LAMA3: variants seen among roughly 807,000 people sequenced by gnomAD.
The protein encoded by LAMA3 is laminin subunit alpha 3.
Under a neutral mutation model 402.0 loss-of-function variants are expected in LAMA3, and 281 were observed. That is an observed-to-expected ratio of 0.70 (90% confidence interval 0.63 to 0.77). The LOEUF is 0.77. Among genes scored for constraint, LAMA3 ranks in the 30% least tolerant of loss-of-function variants. The pLI is 0.00. For missense variants in LAMA3, 3,840 were observed against 4,215.5 expected (o/e 0.91, Z 2.47); for synonymous variants, 1,431 against 1,558.4 (o/e 0.92, Z 1.93).
intron 8 of LAMA3, among the ~76,000 whole-genome samples, chr18:23,772,315 C>T (rs759758089): frequency 3.4e-4 from 52 of 152,226 alleles, no homozygotes; most frequent in Non-Finnish European, 6.5e-4. Context: ...GCTGGGATTA[C>T]AGGCGTGAGC....
chr18:23,830,936 A>T (rs147616971), intron 23 of LAMA3, among the ~76,000 whole-genome samples: 2 of 152,244 alleles, frequency 1.3e-5, no homozygotes, highest in East Asian at 3.9e-4. Context: ...CTCAAACTCC[A>T]TTTCGGTATT....
At chr18:23,781,593 CAA>C (rs983856537) in intron 11 of LAMA3, among the ~76,000 whole-genome samples, 1 of 152,136 alleles carries the variant, frequency 6.6e-6, no homozygotes, top group Non-Finnish European at 1.5e-5. Flanking sequence ...TGTGACAAGA[CAA>C]AAGAGCTTGG....
chr18:23,950,406 T>A (rs933285248), intron 72 of LAMA3, among the ~76,000 whole-genome samples: 32 of 152,386 alleles, frequency 2.1e-4, no homozygotes, highest in African/African-American at 7.5e-4. Context: ...CTTGGTTATA[T>A]GGTCCTAAGG....
chr18:23,740,395 CT>C (rs2061542438), intron 2 of LAMA3, among the ~76,000 whole-genome samples: 2 of 151,940 alleles, frequency 1.3e-5, no homozygotes, highest in Non-Finnish European at 2.9e-5. Context: ...ACAACTTCCC[CT>C]TTGTCTTACC....
intron 7 of LAMA3, 28 bp downstream of exon 7, chr18:23,758,539 C>G: frequency 6.8e-7 from 1 of 1,470,476 alleles, no homozygotes; most frequent in Non-Finnish European, 9.1e-7. Flanking sequence ...GTGGGGGCCA[C>G]ACGTGGCCTT....
At chr18:23,857,158 A>G (rs976991474) in intron 32 of LAMA3, among the ~76,000 whole-genome samples, 3 of 152,172 alleles carry the variant, frequency 2.0e-5, no homozygotes, top group African/African-American at 7.2e-5. Flanking sequence ...AAGTTAAAGA[A>G]CTTGCTAAGA....
intron 2 of LAMA3, among the ~76,000 whole-genome samples, chr18:23,718,374 C>T (rs1400912763): frequency 6.6e-6 from 1 of 151,958 alleles, no homozygotes; most frequent in Non-Finnish European, 1.5e-5. Flanking sequence ...CTTCAGCCCC[C>T]GCAGAGCAAG....
Position 23,918,804 on chromosome 18 carries a change from T to C in LAMA3, c.7923+2109T>C, listed in dbSNP as rs2081732104. ...CGAGAACATGGGATTGATAAGGAGCTTGGGATTTTACCAGAGTCTTCTACC... is the reference window on the plus strand; with the variant it reads ...CGAGAACATGGGATTGATAAGGAGCCTGGGATTTTACCAGAGTCTTCTACC... On this transcript the variant is annotated intron_variant, in intron 60 of 74. Coordinates refer to ENST00000313654, the MANE Select transcript of LAMA3 (RefSeq NM_198129.4). This position sits in a 1 kb window ranked among gnomAD's most constrained non-coding sequence, Gnocchi z 4.1. Among the ~76,000 whole-genome samples the C allele has an allele frequency of 6.6e-6, 1 of 152,160 alleles. No individual in the cohort carries two copies. The highest frequency in any genetic ancestry group is 1.5e-5 in the Non-Finnish European group (1 of 68,024).
At position 23,921,467 on chromosome 18, in the gene LAMA3, G is replaced by A. The variant is rs1247423146; in HGVS notation, c.8059G>A (p.Gly2687Arg). Residue 2687 changes from glycine to arginine, a missense_variant, in exon 62 of 75, where the codon GGA becomes AGA. Transcript: ENST00000313654. ...TTTATTTCAGATTCAGATCAAAATT[G>A]GAAAACTCCAAAAGCGTATGTGGAT... ...GRDHSIQIKI[G>R]KLQKRMWINV... 1.2e-6 allele frequency: 2 copies of A among 1,612,340 alleles called. No individual in the cohort carries two copies. Among genetic ancestry groups the A allele is most frequent in the Admixed American group, 3.3e-5 (2 of 59,802 alleles).
At chr18:23,937,914 G>C (rs1385749091) in intron 67 of LAMA3, among the ~76,000 whole-genome samples, 1 of 152,164 alleles carries the variant, frequency 6.6e-6, no homozygotes, top group Non-Finnish European at 1.5e-5. Context: ...GAAGGAATGT[G>C]AATCTTTTGG....
intron 50 of LAMA3, among the ~76,000 whole-genome samples, chr18:23,904,295 C>A (rs368779921): frequency 9.8e-5 from 15 of 152,286 alleles, no homozygotes; most frequent in African/African-American, 2.9e-4. Flanking sequence ...TTGGGCACAG[C>A]TACAGAGGCC....
At position 23,813,020 on chromosome 18, in the gene LAMA3, CT is replaced by C. The variant is rs760793194; in HGVS notation, c.1742-36del. ...ACATCAAAACAAAGAGAAAAACAAA[CT>C]ACCAGATAATTTAAAAATTTCTGAA... On this transcript the variant is annotated intron_variant, in intron 13 of 74. Coordinates refer to ENST00000313654, the MANE Select transcript of LAMA3 (RefSeq NM_198129.4). 42 of 1,444,816 alleles carry C rather than the reference CT, an allele frequency of 2.9e-5. No individual in the cohort carries two copies. The African/African-American group carries it at 5.7e-4, about 20-fold the overall frequency. 89.5% of individuals were successfully genotyped at this position (1,444,816 alleles called of 1,614,324 possible).
chr18:23,723,126 G>GT (rs2061242371), intron 2 of LAMA3, among the ~76,000 whole-genome samples: 1 of 152,106 alleles, frequency 6.6e-6, no homozygotes, highest in Non-Finnish European at 1.5e-5. Context: ...GGGGAGTGAA[G>GT]TATCTATAAA....
intron 12 of LAMA3, among the ~76,000 whole-genome samples, chr18:23,799,280 C>T (rs576715935): frequency 1.3e-5 from 2 of 152,114 alleles, no homozygotes; most frequent in Non-Finnish European, 2.9e-5. Context: ...CCGGAAACTC[C>T]AAGGGACCTA....
At chr18:23,765,095 G>A (rs2062048121) in intron 8 of LAMA3, among the ~76,000 whole-genome samples, 1 of 152,188 alleles carries the variant, frequency 6.6e-6, no homozygotes, top group African/African-American at 2.4e-5. Flanking sequence ...GATCAGCATA[G>A]GGTGAGTTAC....
intron 32 of LAMA3, among the ~76,000 whole-genome samples, chr18:23,847,885 C>T (rs1377733203): frequency 2.0e-5 from 3 of 152,248 alleles, no homozygotes; most frequent in African/African-American, 7.2e-5. Flanking sequence ...GATTACCAGT[C>T]ATCTTGGGCC....
chr18:23,698,734 C>A (rs577452987), intron 1 of LAMA3, among the ~76,000 whole-genome samples: 1 of 152,308 alleles, frequency 6.6e-6, no homozygotes, highest in Non-Finnish European at 1.5e-5. Flanking sequence ...TGTCCATTCA[C>A]TTCTATATTT....
chr18:23,915,444 G>T (rs1340260225), intron 59 of LAMA3, 22 bp downstream of exon 59: 16 of 1,609,544 alleles, frequency 9.9e-6, no homozygotes, highest in Non-Finnish European at 1.4e-5. Context: ...GTAGAAACCA[G>T]AAACTCTGTA....
In LAMA3 at chr18:23,951,780, ATGTTGTCCAGT is replaced by A; in HGVS notation, c.9736+4_9736+14del. On this transcript the variant is annotated splice_donor_5th_base_variant and intron_variant, in intron 73 of 74. Coordinates refer to ENST00000313654, the MANE Select transcript of LAMA3 (RefSeq NM_198129.4). ...TGGACAGTGGCACTCGGTGGCAGGT[ATGTTGTCCAGT>A]AGCTGATTGTTCATGCACTAAAACA... The A allele has an allele frequency of 6.2e-7, 1 of 1,609,810 alleles. No homozygotes were observed. Among genetic ancestry groups the A allele is most frequent in the Non-Finnish European group, 8.5e-7 (1 of 1,176,212 alleles).
Sources: gnomAD v4.1 joint callset for allele counts (sites outside exome capture counted in the v4.1 genomes callset) on GRCh38, gnomAD v4.1.1 for gene constraint, Gnocchi (gnomAD v3.1) non-coding constraint, MANE v1.5 for transcripts, NCBI Gene and HGNC (gene_info 2026-07-23, HGNC 2026-07-21) for gene names.